The following SNTG1 variants were observed in gnomAD, a reference collection of about 807,000 sequenced individuals.
The protein encoded by SNTG1 is syntrophin gamma 1, also known as gamma-1-syntrophin.
SNTG1 carries 39 observed loss-of-function variants against 74.7 expected under a neutral mutation model. The observed-to-expected ratio is 0.52, with a 90% CI of 0.40 to 0.68. The LOEUF is 0.68. Ranked by LOEUF, SNTG1 falls within the 30% of genes least tolerant of loss-of-function variation. The pLI, the probability that SNTG1 is intolerant of heterozygous loss-of-function variation, is 0.00. For synonymous variants in SNTG1, 254 were observed against 217.1 expected, an observed-to-expected ratio of 1.17 and a Z score of -1.49; for missense variants, 685 against 609.5, an observed-to-expected ratio of 1.12 and a Z score of -1.30.
chr8:49,989,436 C>T (rs1040495686), intron 1 of SNTG1, among the ~76,000 whole-genome samples: 1 of 151,884 alleles, frequency 6.6e-6, no homozygotes, highest in Non-Finnish European at 1.5e-5. Flanking sequence ...AAGCAGTTAA[C>T]AGATTGAATT....
intron 1 of SNTG1, among the ~76,000 whole-genome samples, chr8:50,169,865 G>T (rs766213872): frequency 6.6e-6 from 1 of 152,222 alleles, no homozygotes; most frequent in Admixed American, 6.5e-5. Context: ...CACTGGAGCC[G>T]AGGAGTTAGA....
At chr8:50,610,925 G>A (rs2094845264) in intron 13 of SNTG1, among the ~76,000 whole-genome samples, 2 of 151,840 alleles carry the variant, frequency 1.3e-5, no homozygotes, top group Non-Finnish European at 1.5e-5. Context: ...TATGTGATTA[G>A]GATTTCTTTT....
chr8:50,338,393 G>A (rs1587204220), intron 2 of SNTG1, among the ~76,000 whole-genome samples: 1 of 152,064 alleles, frequency 6.6e-6, no homozygotes, highest in Admixed American at 6.5e-5. Flanking sequence ...CAGAAGGCAC[G>A]GTAAAAGGCA....
chr8:50,091,088 T>C (rs542285605), intron 1 of SNTG1, among the ~76,000 whole-genome samples: 30 of 152,256 alleles, frequency 2.0e-4, no homozygotes, highest in Non-Finnish European at 3.7e-4. Context: ...GTGGCATAGA[T>C]AATTAAAATA....
intron 9 of SNTG1, among the ~76,000 whole-genome samples, chr8:50,511,456 T>C (rs955787964): frequency 1.3e-5 from 2 of 152,162 alleles, no homozygotes; most frequent in African/African-American, 4.8e-5. Context: ...CTGAGTTCAA[T>C]TCCTGGATAT....
chr8:50,581,045 T>C (rs1438629037), intron 12 of SNTG1, among the ~76,000 whole-genome samples: 1 of 152,224 alleles, frequency 6.6e-6, no homozygotes, highest in Admixed American at 6.5e-5. Context: ...AAGTAAAAAA[T>C]GGCCATTTCA....
intron 2 of SNTG1, among the ~76,000 whole-genome samples, chr8:50,391,004 T>G (rs1406650315): frequency 6.6e-6 from 1 of 152,202 alleles, no homozygotes; most frequent in African/African-American, 2.4e-5. Context: ...TATACAATCA[T>G]GTCATCTGCA....
At chr8:50,140,470 A>C (rs776623172) in intron 1 of SNTG1, among the ~76,000 whole-genome samples, 19 of 151,794 alleles carry the variant, frequency 1.3e-4, no homozygotes, top group Non-Finnish European at 2.1e-4. Context: ...TGGGTGTAAG[A>C]GTGTGTGTGT....
intron 13 of SNTG1, among the ~76,000 whole-genome samples, chr8:50,591,193 T>G (rs530748231): frequency 3.9e-5 from 6 of 152,142 alleles, no homozygotes; most frequent in Non-Finnish European, 7.4e-5. Context: ...AACTTAGAGT[T>G]TTATTTACAT....
chr8:50,525,006 G>T (rs1479149215), intron 9 of SNTG1, among the ~76,000 whole-genome samples: 1 of 151,866 alleles, frequency 6.6e-6, no homozygotes, highest in Non-Finnish European at 1.5e-5. Flanking sequence ...TTTCTATCTA[G>T]TGTTCTTTTA....
At chr8:50,130,051 G>T (rs929351469) in intron 1 of SNTG1, among the ~76,000 whole-genome samples, 1 of 152,138 alleles carries the variant, frequency 6.6e-6, no homozygotes, top group Non-Finnish European at 1.5e-5. Context: ...TCATGTGAAT[G>T]TGAAAAAGAA....
At chr8:50,684,508 G>A (rs1438390173) in intron 15 of SNTG1, among the ~76,000 whole-genome samples, 2 of 151,778 alleles carry the variant, frequency 1.3e-5, no homozygotes, top group African/African-American at 2.4e-5. Flanking sequence ...TAATGTCTTA[G>A]GGAAAATTCT....
At chr8:50,039,655 C>T (rs952103434) in intron 1 of SNTG1, among the ~76,000 whole-genome samples, 5 of 151,562 alleles carry the variant, frequency 3.3e-5, no homozygotes, top group Non-Finnish European at 5.9e-5. Flanking sequence ...TTTTTTTTGC[C>T]TATAGAGTAT....
chr8:50,583,394 C>CAAAAAA (rs58794829), intron 12 of SNTG1, among the ~76,000 whole-genome samples: 9 of 82,426 alleles, frequency 1.1e-4, no homozygotes, highest in African/African-American at 3.2e-4. Context: ...GAGTGAGACT[C>CAAAAAA]AAAAAAAAAA....
intron 18 of SNTG1, among the ~76,000 whole-genome samples, chr8:50,775,924 T>C (rs936731937): frequency 1.4e-5 from 2 of 147,646 alleles, no homozygotes; most frequent in South Asian, 2.2e-4. Context: ...AATGCTAATA[T>C]AGCCACTAGT....
intron 2 of SNTG1, among the ~76,000 whole-genome samples, chr8:50,364,442 G>A (rs1040483091): frequency 1.5e-4 from 23 of 152,112 alleles, no homozygotes; most frequent in African/African-American, 4.8e-4. Context: ...ACTGTCATGG[G>A]CTCTTTTTCT....
At chr8:50,092,033 C>T (rs974049768) in intron 1 of SNTG1, among the ~76,000 whole-genome samples, 3 of 152,194 alleles carry the variant, frequency 2.0e-5, no homozygotes, top group Admixed American at 6.6e-5. Flanking sequence ...TTTCCCACTT[C>T]GTATTCTAAG....
At chr8:50,313,999 T>TTA (rs1409091867) in intron 2 of SNTG1, among the ~76,000 whole-genome samples, 1 of 149,694 alleles carries the variant, frequency 6.7e-6, no homozygotes, top group Non-Finnish European at 1.5e-5. Context: ...ATACCCAATC[T>TTA]TATATATATC....
chr8:50,021,073 A>G (rs781725012), intron 1 of SNTG1, among the ~76,000 whole-genome samples: 1 of 152,086 alleles, frequency 6.6e-6, no homozygotes, highest in African/African-American at 2.4e-5. Flanking sequence ...TGGCATTTGA[A>G]CCACAGTTCC....
Sources: gnomAD v4.1 joint callset for allele counts (sites outside exome capture counted in the v4.1 genomes callset) on GRCh38, gnomAD v4.1.1 for gene constraint, MANE v1.5 for transcripts, NCBI Gene and HGNC (gene_info 2026-07-23, HGNC 2026-07-21) for gene names.